Variants in CFAP20 observed in about 807,000 individuals in gnomAD.
The protein encoded by CFAP20 is cilia- and flagella-associated protein 20.
Under a neutral mutation model 25.5 loss-of-function variants are expected in CFAP20, and 14 were observed. That is an observed-to-expected ratio of 0.55 (90% confidence interval 0.36 to 0.86). CFAP20 has a LOEUF of 0.86. CFAP20 is among the 40% of genes least tolerant of loss of function. The probability of loss-of-function intolerance (pLI) is 0.01; values close to 1 mark genes in which losing one functional copy is unlikely to be tolerated. For synonymous variants in CFAP20, 75 were observed against 91.1 expected, an observed-to-expected ratio of 0.82 and a Z score of 1.01; for missense variants, 181 against 248.0, an observed-to-expected ratio of 0.73 and a Z score of 1.81.
chr16:58,125,592 G>A (rs1960601093), intron 1 of CFAP20, among the ~76,000 whole-genome samples: 1 of 152,146 alleles, frequency 6.6e-6, no homozygotes, highest in South Asian at 2.1e-4. Flanking sequence ...GTTGAGGTGG[G>A]AGGATTGCTT....
chr16:58,117,026 T>C (rs1960466723), intron 1 of CFAP20, 75 bp from the exon 2 acceptor site: 18 of 1,401,202 alleles, frequency 1.3e-5, no homozygotes, highest in Non-Finnish European at 1.8e-5. Context: ...AAAACCACGG[T>C]AGCCCAAGAG....
In CFAP20 at chr16:58,113,875, C is replaced by A; in HGVS notation, c.*150G>T. 2.3e-6 allele frequency: 2 copies of A among 877,056 alleles called. No homozygotes were observed. The highest frequency in any genetic ancestry group is 3.7e-6 in the Non-Finnish European group (2 of 541,728). The allele number at this position is 877,056 out of a possible 1,614,324, so 54.3% of individuals were successfully genotyped here. A position where few individuals can be genotyped will look rare whatever the true frequency, so the allele number is the denominator to read the frequency against. On this transcript the variant is annotated 3_prime_UTR_variant, in exon 6 of 6. Coordinates refer to ENST00000262498, the MANE Select transcript of CFAP20 (RefSeq NM_013242.3). ...AGTCACAGAGTTACGGCATGTTCAC[C>A]GGTGTCCATGACAAGCAACACCAAG...
intron 4 of CFAP20, 29 bp from the exon 5 acceptor site, chr16:58,114,949 C>A: frequency 6.4e-7 from 1 of 1,552,672 alleles, no homozygotes; most frequent in Middle Eastern, 1.7e-4. Flanking sequence ...TTTTGAGAGG[C>A]GAAATGTGAC....
intron 1 of CFAP20, among the ~76,000 whole-genome samples, chr16:58,126,676 G>A (rs552134320): frequency 6.6e-6 from 1 of 152,290 alleles, no homozygotes; most frequent in East Asian, 1.9e-4. Flanking sequence ...TTACAACTTT[G>A]CCTTAGTCCC....
chr16:58,126,695 G>T (rs1960617903), intron 1 of CFAP20, among the ~76,000 whole-genome samples: 1 of 152,090 alleles, frequency 6.6e-6, no homozygotes. Context: ...CCTGGCAGCA[G>T]GAAAAATATT....
intron 1 of CFAP20, among the ~76,000 whole-genome samples, chr16:58,122,309 G>A (rs769693459): frequency 1.3e-5 from 2 of 152,174 alleles, no homozygotes; most frequent in Non-Finnish European, 2.9e-5. Flanking sequence ...GGACGGGCGC[G>A]GTGGCTCACG....
At chr16:58,120,450 T>G (rs1161676728) in intron 1 of CFAP20, among the ~76,000 whole-genome samples, 1 of 152,158 alleles carries the variant, frequency 6.6e-6, no homozygotes, top group Non-Finnish European at 1.5e-5. Context: ...ACCAGCCAGA[T>G]CTCACAGGGA....
chr16:58,127,311 C>T (rs946869053), intron 1 of CFAP20, among the ~76,000 whole-genome samples: 1 of 152,204 alleles, frequency 6.6e-6, no homozygotes, highest in Non-Finnish European at 1.5e-5. Flanking sequence ...CTGAGGCCTC[C>T]CTACTACTGG....
chr16:58,116,389 C>A (rs899666897), intron 2 of CFAP20, among the ~76,000 whole-genome samples: 1 of 152,130 alleles, frequency 6.6e-6, no homozygotes, highest in African/African-American at 2.4e-5. Flanking sequence ...AAAAACAAAG[C>A]CAGACAGTGG....
At chr16:58,123,257 G>A (rs1004208338) in intron 1 of CFAP20, among the ~76,000 whole-genome samples, 1 of 146,222 alleles carries the variant, frequency 6.8e-6, no homozygotes, top group Non-Finnish European at 1.5e-5. Context: ...AAAGTGCTAG[G>A]ATTACAGGCG....
chr16:58,128,834 C>T (rs1219041175), intron 1 of CFAP20, among the ~76,000 whole-genome samples, 198 bp downstream of exon 1: 1 of 133,990 alleles, frequency 7.5e-6, no homozygotes, highest in Non-Finnish European at 1.7e-5. Context: ...CATGCACCGC[C>T]CCCCCCCCAC....
chr16:58,122,166 C>T (rs542852766), intron 1 of CFAP20, among the ~76,000 whole-genome samples: 6 of 152,356 alleles, frequency 3.9e-5, no homozygotes, highest in South Asian at 2.1e-4. Context: ...TCACTCCCTT[C>T]GCTGTACTTG....
intron 1 of CFAP20, among the ~76,000 whole-genome samples, chr16:58,128,768 G>C (rs1484889537): frequency 6.6e-6 from 1 of 151,938 alleles, no homozygotes; most frequent in Non-Finnish European, 1.5e-5. Flanking sequence ...AGCGAGGGTC[G>C]CGGTCCTAAC....
In CFAP20 at chr16:58,114,811, T is replaced by C. The variant is rs748413290; in HGVS notation, c.575A>G (p.Lys192Arg). The change falls in exon 5 of 6, where the codon AAG becomes AGG. Residue 192 changes from lysine to arginine, a missense_variant and splice_region_variant. Transcript: ENST00000262498. The part of the protein sequence containing the change: ...KLYLPVQNKA[K>R]Q ...TTCCTCTGGGGAAGACTGGCTTACCTTTGCCTTGTTCTGAACTGGGAGATA... is the reference window on the plus strand; with the variant it reads ...TTCCTCTGGGGAAGACTGGCTTACCCTTGCCTTGTTCTGAACTGGGAGATA... 3 of 1,610,686 alleles carry C rather than the reference T, an allele frequency of 1.9e-6. No homozygotes were observed. The Admixed American group carries it at 5.0e-5, about 27-fold the overall frequency.
At chr16:58,129,005 C>A in intron 1 of CFAP20, 27 bp downstream of exon 1, 1 of 1,608,926 alleles carries the variant, frequency 6.2e-7, no homozygotes, top group Non-Finnish European at 8.5e-7. Context: ...CCCCTCCACC[C>A]CGCCCCGTCG....
Position 58,123,478 on chromosome 16 carries a change from C to A in CFAP20, c.84+5554G>T, listed in dbSNP as rs571411005. ...GGGCGTGGTGGCGGGCGCCTGTAGT[C>A]CCAGCTACTCCGGAGGCTGAGGCAG... On this transcript the variant is annotated intron_variant, in intron 1 of 5. Transcript: ENST00000262498. Among the ~76,000 whole-genome samples, 5 of 149,032 alleles carry A rather than the reference C, an allele frequency of 3.4e-5. No individual in the cohort carries two copies. The South Asian group carries it at 1.1e-3, about 32-fold the overall frequency.
intron 1 of CFAP20, among the ~76,000 whole-genome samples, chr16:58,127,753 T>C (rs1960637366): frequency 6.6e-6 from 1 of 152,168 alleles, no homozygotes; most frequent in African/African-American, 2.4e-5. Context: ...CTTCATTATA[T>C]TCAGATTTTT....
At chr16:58,126,430 G>A (rs755664756) in intron 1 of CFAP20, among the ~76,000 whole-genome samples, 1 of 152,120 alleles carries the variant, frequency 6.6e-6, no homozygotes, top group East Asian at 1.9e-4. Context: ...TGAATACAGC[G>A]TTCACTTCTA....
chr16:58,114,843 G>GA lies in CFAP20; in HGVS notation c.542dup (p.Lys182GlnfsTer26). The GA allele has an allele frequency of 6.2e-7, 1 of 1,614,074 alleles. No homozygotes were observed. The highest frequency in any genetic ancestry group is 8.5e-7 in the Non-Finnish European group (1 of 1,179,956). The stretch of plus-strand genomic sequence containing the variant: ...TGTTCTGAACTGGGAGATACAGTTT[G>GA]AACTCTGCCGGCAGCTCATCTTCTG... On this transcript the variant is annotated frameshift_variant, in exon 5 of 6. Coordinates refer to ENST00000262498, the MANE Select transcript of CFAP20 (RefSeq NM_013242.3). LOFTEE classifies it high-confidence loss of function.
Sources: gnomAD v4.1 joint callset for allele counts (sites outside exome capture counted in the v4.1 genomes callset) on GRCh38, gnomAD v4.1.1 for gene constraint, MANE v1.5 for transcripts, NCBI Gene and HGNC (gene_info 2026-07-23, HGNC 2026-07-21) for gene names.